Variants in GATAD2B observed in about 807,000 individuals in gnomAD.
The protein encoded by GATAD2B is GATA zinc finger domain containing 2B.
In GATAD2B, 8 loss-of-function variants were observed where a neutral mutation model predicts 64.3. The ratio of observed to expected loss-of-function variants is 0.12; its 90% CI spans 0.07 to 0.22. GATAD2B has a LOEUF of 0.22. GATAD2B is among the 10% of genes least tolerant of loss of function. The probability of loss-of-function intolerance (pLI) is 1.00; values close to 1 mark genes in which losing one functional copy is unlikely to be tolerated. For synonymous variants in GATAD2B, 281 were observed against 271.3 expected (o/e 1.04, Z -0.35); for missense variants, 453 against 752.0 (o/e 0.60, Z 4.65).
chr1:153,874,977 CTCAA>C (rs756880837), intron 1 of GATAD2B, among the ~76,000 whole-genome samples: 1 of 151,922 alleles, frequency 6.6e-6, no homozygotes, highest in Non-Finnish European at 1.5e-5. Context: ...AACTCCCAGG[CTCAA>C]TCAATCTTCC....
At chr1:153,904,470 GAAGA>G (rs1677867703) in intron 1 of GATAD2B, among the ~76,000 whole-genome samples, 1 of 152,016 alleles carries the variant, frequency 6.6e-6, no homozygotes, top group Non-Finnish European at 1.5e-5. Flanking sequence ...TTTAAAACAA[GAAGA>G]AAGTGCTCCA....
intron 1 of GATAD2B, among the ~76,000 whole-genome samples, chr1:153,875,684 A>AG (rs1676802336): frequency 2.8e-4 from 2 of 7,234 alleles, no homozygotes; most frequent in Admixed American, 3.1e-3. Flanking sequence ...GTTTGGAGGG[A>AG]AAAAAAAAAA....
chr1:153,908,896 A>G lies in GATAD2B; in HGVS notation c.-2+13837T>C, dbSNP rs557219500. On this transcript the variant is annotated intron_variant, in intron 1 of 10. Coordinates refer to ENST00000368655, the MANE Select transcript of GATAD2B (RefSeq NM_020699.4). ...ACTGCAGCCTCTAACTCCTAAGCTCAAGCAATTCTCCTGCCTCAGCCTCCC... is the reference window on the plus strand; with the variant it reads ...ACTGCAGCCTCTAACTCCTAAGCTCGAGCAATTCTCCTGCCTCAGCCTCCC... Among the ~76,000 whole-genome samples the G allele has an allele frequency of 2.7e-5, 4 of 150,712 alleles. No homozygotes were observed. In the South Asian group the frequency reaches 8.5e-4, roughly 32 times the overall value.
intron 1 of GATAD2B, among the ~76,000 whole-genome samples, chr1:153,857,849 G>A (rs1316293656): frequency 1.3e-5 from 2 of 152,120 alleles, no homozygotes; most frequent in Admixed American, 6.6e-5. Context: ...AATCCAACAA[G>A]ACCTTCTTTC....
Position 153,910,922 on chromosome 1 carries a change from A to G in GATAD2B, c.-2+11811T>C, listed in dbSNP as rs538378919. Among the ~76,000 whole-genome samples the G allele has an allele frequency of 2.6e-5, 4 of 152,332 alleles. No individual in the cohort carries two copies. The South Asian group carries it at 6.2e-4, about 24-fold the overall frequency. ...TGACTTAGGCTATTTTCAACTTACAATAAGTTTACAGGGACATAACCTCAT... is the reference window on the plus strand; with the variant it reads ...TGACTTAGGCTATTTTCAACTTACAGTAAGTTTACAGGGACATAACCTCAT... On this transcript the variant is annotated intron_variant, in intron 1 of 10. Coordinates refer to ENST00000368655, the MANE Select transcript of GATAD2B (RefSeq NM_020699.4).
At chr1:153,837,373 C>T (rs899533908) in intron 1 of GATAD2B, among the ~76,000 whole-genome samples, 2 of 63,674 alleles carry the variant, frequency 3.1e-5, no homozygotes, top group Non-Finnish European at 9.4e-5. Flanking sequence ...AAAAACAAAA[C>T]AAACAAAAAA....
At chr1:153,866,569 C>T (rs34805562) in intron 1 of GATAD2B, among the ~76,000 whole-genome samples, 44,123 of 152,018 alleles carry the variant, frequency 0.29, 6,650 homozygotes, top group Admixed American at 0.39. Context: ...CTATCTAATG[C>T]TTCCTATTAT....
intron 1 of GATAD2B, among the ~76,000 whole-genome samples, chr1:153,901,999 G>T (rs1288662182): frequency 7.9e-6 from 1 of 126,912 alleles, no homozygotes; most frequent in Non-Finnish European, 1.6e-5. Flanking sequence ...AAAAAAAAAA[G>T]GCCGCGCACA....
At chr1:153,850,293 C>G (rs532538833) in intron 1 of GATAD2B, among the ~76,000 whole-genome samples, 3 of 152,046 alleles carry the variant, frequency 2.0e-5, no homozygotes, top group African/African-American at 4.8e-5. Flanking sequence ...ACAAATAAGC[C>G]CATACTTAAT....
intron 1 of GATAD2B, among the ~76,000 whole-genome samples, chr1:153,857,672 G>C (rs987951238): frequency 3.3e-5 from 5 of 152,072 alleles, no homozygotes; most frequent in Non-Finnish European, 5.9e-5. Context: ...CCTGGAACAT[G>C]AGTCCTTAAG....
rs751142671 is a variant in GATAD2B at position 153,819,583 on chromosome 1, A to C, written c.465+23T>G. The C allele has an allele frequency of 7.1e-6, 11 of 1,541,818 alleles. No individual in the cohort carries two copies. In the Admixed American group the frequency reaches 2.0e-4, roughly 28 times the overall value. On this transcript the variant is annotated intron_variant, in intron 3 of 10. Transcript: ENST00000368655. ...AAATAGAAGGAGCATAACAAGAAGAAAGAAATTTTTCTTTCTTTTTACCTT... is the reference window on the plus strand; with the variant it reads ...AAATAGAAGGAGCATAACAAGAAGACAGAAATTTTTCTTTCTTTTTACCTT...
chr1:153,828,727 C>T (rs1488290535), intron 1 of GATAD2B, among the ~76,000 whole-genome samples: 1 of 151,486 alleles, frequency 6.6e-6, no homozygotes, highest in African/African-American at 2.4e-5. Context: ...AGGTAAACTG[C>T]ATGTCACCAG....
chr1:153,813,715 C>CCCCTA (rs2101876708), intron 7 of GATAD2B, among the ~76,000 whole-genome samples: 1 of 152,314 alleles, frequency 6.6e-6, no homozygotes, highest in African/African-American at 2.4e-5. Flanking sequence ...CGGTGGCTCA[C>CCCCTA]CCCTACAGTC....
At chr1:153,884,850 G>A (rs1186137970) in intron 1 of GATAD2B, among the ~76,000 whole-genome samples, 2 of 151,552 alleles carry the variant, frequency 1.3e-5, no homozygotes, top group East Asian at 1.9e-4. Flanking sequence ...TCTGCCTCCC[G>A]GGCTGAAGCA....
At chr1:153,887,072 A>G (rs886616969) in intron 1 of GATAD2B, among the ~76,000 whole-genome samples, 1 of 152,172 alleles carries the variant, frequency 6.6e-6, no homozygotes, top group Non-Finnish European at 1.5e-5. Context: ...AATTACTATT[A>G]CAACAACAAA....
chr1:153,892,349 G>A (rs1677441477), intron 1 of GATAD2B, among the ~76,000 whole-genome samples: 2 of 152,052 alleles, frequency 1.3e-5, no homozygotes, highest in South Asian at 4.2e-4. Flanking sequence ...CAGATATCTA[G>A]GAAAAAAGAT....
chr1:153,897,374 A>G (rs576760063), intron 1 of GATAD2B, among the ~76,000 whole-genome samples: 39 of 152,312 alleles, frequency 2.6e-4, no homozygotes, highest in African/African-American at 8.7e-4. Flanking sequence ...GAAAAGATGA[A>G]AAGTACTCAA....
At position 153,854,838 on chromosome 1, in the gene GATAD2B, G is replaced by A. The variant is rs200398965; in HGVS notation, c.-1-26490C>T. Among the ~76,000 whole-genome samples, 38 of 152,250 alleles carry A rather than the reference G, an allele frequency of 2.5e-4. No individual in the cohort carries two copies. The East Asian group carries it at 2.5e-3, about 10-fold the overall frequency. On this transcript the variant is annotated intron_variant, in intron 1 of 10. Transcript: ENST00000368655. ...GGAACAATCTTGCTGTTACCTTACC[G>A]TAGGGATCAAACTTTTCACTGCAGG... is the stretch of plus-strand genomic sequence containing the variant.
At chr1:153,911,679 T>C (rs895093558) in intron 1 of GATAD2B, among the ~76,000 whole-genome samples, 3 of 151,900 alleles carry the variant, frequency 2.0e-5, no homozygotes, top group Non-Finnish European at 2.9e-5. Flanking sequence ...GAGGTTGCAG[T>C]GAGCAGAGAT....
Sources: gnomAD v4.1 joint callset for allele counts (sites outside exome capture counted in the v4.1 genomes callset) on GRCh38, gnomAD v4.1.1 for gene constraint, MANE v1.5 for transcripts, NCBI Gene and HGNC (gene_info 2026-07-23, HGNC 2026-07-21) for gene names.